The following VIPR1 variants were observed in gnomAD, a reference collection of about 807,000 sequenced individuals.
The protein encoded by VIPR1 is vasoactive intestinal polypeptide receptor 1.
A neutral mutation model predicts 58.8 loss-of-function variants in VIPR1; 59 were observed. That is an observed-to-expected ratio of 1.00 (90% confidence interval 0.81 to 1.25). The LOEUF (loss-of-function observed/expected upper bound fraction) is 1.25, where lower values mean the gene tolerates loss of function less well. VIPR1 is among the 50% of genes most tolerant of loss of function. VIPR1 has a pLI of 0.00. For synonymous variants in VIPR1, 251 were observed against 242.1 expected (o/e 1.04, Z -0.34); for missense variants, 626 against 602.7 (o/e 1.04, Z -0.40).
At position 42,536,400 on chromosome 3, in the gene VIPR1, G is replaced by GC; in HGVS notation, c.*124dup. On this transcript the variant is annotated 3_prime_UTR_variant, in exon 13 of 13. Coordinates refer to ENST00000325123, the MANE Select transcript of VIPR1 (RefSeq NM_004624.4). The stretch of plus-strand genomic sequence containing the variant: ...AGCCCCGGCCCTGGGCTCGGAGGCT[G>GC]CCCCCGGCCCCCTGGTCTCTGGTCC... 9.1e-7 allele frequency: 1 copy of GC among 1,095,878 alleles called. No individual in the cohort carries two copies. The highest frequency in any genetic ancestry group is 1.2e-6 in the Non-Finnish European group (1 of 801,760). 67.9% of individuals were successfully genotyped at this position (1,095,878 alleles called of 1,614,324 possible). A position where few individuals can be genotyped will look rare whatever the true frequency, so the allele number is the denominator to read the frequency against.
chr3:42,524,148 AG>A (rs1218167223), intron 3 of VIPR1, among the ~76,000 whole-genome samples: 2 of 152,122 alleles, frequency 1.3e-5, no homozygotes, highest in African/African-American at 4.8e-5. Context: ...TGAGCCTTGT[AG>A]GGGGAAGTCC....
At chr3:42,523,604 TACACACACACACACACAC>T (rs60726747) in intron 3 of VIPR1, among the ~76,000 whole-genome samples, 5 of 129,824 alleles carry the variant, frequency 3.9e-5, no homozygotes, top group Admixed American at 7.4e-5. Flanking sequence ...CCTCCGCCAC[TACACACACACACACACAC>T]ACACACACAC....
At chr3:42,524,051 G>A (rs138617535) in intron 3 of VIPR1, among the ~76,000 whole-genome samples, 4 of 152,312 alleles carry the variant, frequency 2.6e-5, no homozygotes, top group Non-Finnish European at 4.4e-5. Context: ...CTCTGACCTC[G>A]TGATCTGCCT....
At chr3:42,529,122 T>G (rs1328857708) in intron 6 of VIPR1, among the ~76,000 whole-genome samples, 4 of 152,164 alleles carry the variant, frequency 2.6e-5, no homozygotes, top group African/African-American at 4.8e-5. Flanking sequence ...GAAGCTTTTC[T>G]AAGACTAGGA....
At chr3:42,491,742 T>G (rs1405862010) in intron 1 of VIPR1, among the ~76,000 whole-genome samples, 1 of 152,164 alleles carries the variant, frequency 6.6e-6, no homozygotes, top group Non-Finnish European at 1.5e-5. Context: ...ACCTGGCTAA[T>G]TTTAGTATTT....
At chr3:42,509,619 T>C (rs1307127662) in intron 1 of VIPR1, 1 of 152,030 alleles carries the variant, frequency 6.6e-6, no homozygotes, top group Admixed American at 6.6e-5. Context: ...GGCTAGAGAG[T>C]TTTGGTCCAG....
At chr3:42,492,116 C>G (rs1699675784) in intron 1 of VIPR1, among the ~76,000 whole-genome samples, 1 of 152,032 alleles carries the variant, frequency 6.6e-6, no homozygotes, top group Non-Finnish European at 1.5e-5. Context: ...CTCTTCCCTC[C>G]CAACTCCCTC....
intron 1 of VIPR1, 46 bp from the exon 2 acceptor site, chr3:42,513,703 G>C (rs1156763672): frequency 1.3e-6 from 2 of 1,541,874 alleles, no homozygotes; most frequent in Non-Finnish European, 1.8e-6. Context: ...TGGTGCTCCT[G>C]AGTCTATGGA....
At chr3:42,505,334 A>G (rs1376580617) in intron 1 of VIPR1, among the ~76,000 whole-genome samples, 1 of 152,240 alleles carries the variant, frequency 6.6e-6, no homozygotes, top group African/African-American at 2.4e-5. Context: ...GCCTGCCCCC[A>G]GAAGGAGGAG....
chr3:42,527,395 G>A lies in VIPR1; in HGVS notation c.402G>A (p.Gln134=), dbSNP rs113008568. ...GCCTCTCCCTGTCCCTCCAACAGCA[G>A]CAGACCATGTTCTACGGTTCTGTGA... ...LDDKAASLDE[Q]QTMFYGSVKT... The change falls in exon 5 of 13, where the codon CAG becomes CAA. Residue 134 remains glutamine (Q), a splice_region_variant and synonymous_variant. Transcript: ENST00000325123. 1 of 1,612,906 alleles carries A rather than the reference G, an allele frequency of 6.2e-7. No individual in the cohort carries two copies. The highest frequency in any genetic ancestry group is 1.7e-4 in the Middle Eastern group (1 of 6,058).
chr3:42,518,991 C>A (rs1428216469), intron 2 of VIPR1, among the ~76,000 whole-genome samples: 19 of 152,192 alleles, frequency 1.2e-4, no homozygotes, highest in Non-Finnish European at 8.8e-5. Context: ...CCAGGGGGCG[C>A]TCCATCCCTC....
chr3:42,531,004 G>A, intron 7 of VIPR1, 72 bp downstream of exon 7: 18 of 1,575,536 alleles, frequency 1.1e-5, no homozygotes, highest in Non-Finnish European at 1.5e-5. Context: ...TAGGGGGAGG[G>A]TGCCAACCCA....
Position 42,504,985 on chromosome 3 carries a change from C to T in VIPR1, c.78+2172C>T, listed in dbSNP as rs7628235. Among the ~76,000 whole-genome samples the T allele has an allele frequency of 3.3e-5, 5 of 151,614 alleles. No individual in the cohort carries two copies. The South Asian group carries it at 1.0e-3, about 32-fold the overall frequency. The stretch of plus-strand genomic sequence containing the variant: ...GTCTGCCCCAAGGCCACCTGTCAAG[C>T]CTTCCACTGCCCCTGCCCCCCGGAC... On this transcript the variant is annotated intron_variant, in intron 1 of 12. Coordinates refer to ENST00000325123, the MANE Select transcript of VIPR1 (RefSeq NM_004624.4).
chr3:42,530,504 T>C (rs994357237), intron 6 of VIPR1: 3 of 380,926 alleles, frequency 7.9e-6, no homozygotes, highest in Non-Finnish European at 1.4e-5. Context: ...GGTAGATGAT[T>C]GAATGGGCAG....
At chr3:42,499,764 C>G (rs1699832467), upstream of VIPR1, among the ~76,000 whole-genome samples, 1 of 152,176 alleles carries the variant, frequency 6.6e-6, no homozygotes, top group Admixed American at 6.5e-5. Context: ...TCGGCCCCCC[C>G]TCTGCTTCTG....
intron 3 of VIPR1, chr3:42,521,586 A>G (rs1224979058): frequency 6.6e-6 from 1 of 152,180 alleles, no homozygotes; most frequent in Non-Finnish European, 1.5e-5. Context: ...ACCTGGTTAT[A>G]CAGGGAAAGC....
At chr3:42,496,290 T>C in intron 1 of VIPR1, among the ~76,000 whole-genome samples, 1 of 152,212 alleles carries the variant, frequency 6.6e-6, no homozygotes, top group African/African-American at 2.4e-5. Flanking sequence ...CAGAGGTAAC[T>C]AATAACATGT....
rs1319015222 is a variant in VIPR1 at position 42,537,056 on chromosome 3, T to C, written c.*775T>C. On this transcript the variant is annotated 3_prime_UTR_variant, in exon 13 of 13. Transcript: ENST00000325123. ...TGCTCTCCAAGTCTCAGTGGCTTCA[T>C]CTGTCAAGTGGGATCTGTCACACCA... 2 of 152,160 alleles carry C rather than the reference T, an allele frequency of 1.3e-5. No individual in the cohort carries two copies. The highest frequency in any genetic ancestry group is 2.9e-5 in the Non-Finnish European group (2 of 68,036). 9.4% of individuals were successfully genotyped at this position (152,160 alleles called of 1,614,324 possible).
chr3:42,522,102 T>TATATATATATATATA (rs1553638336), intron 3 of VIPR1, among the ~76,000 whole-genome samples: 26 of 13,674 alleles, frequency 1.9e-3, no homozygotes, highest in Admixed American at 5.7e-3. Flanking sequence ...TATATATATA[T>TATATATATATATATA]TTTTTTTTTT....
Sources: allele counts gnomAD v4.1 joint callset (sites outside exome capture counted in the v4.1 genomes callset), GRCh38; gene constraint gnomAD v4.1.1; transcripts MANE v1.5; gene names NCBI Gene and HGNC (gene_info 2026-07-23, HGNC 2026-07-21).